The following CNTNAP2 variants were observed in gnomAD, a reference collection of about 807,000 sequenced individuals.
CNTNAP2 encodes the protein contactin associated protein 2, also known as contactin-associated protein-like 2.
In CNTNAP2, 98 loss-of-function variants were observed where a neutral mutation model predicts 155.2. The ratio of observed to expected loss-of-function variants is 0.63; its 90% CI spans 0.54 to 0.75. CNTNAP2 has a LOEUF of 0.75. CNTNAP2 is among the 30% of genes least tolerant of loss of function. The pLI is 0.00. For synonymous variants in CNTNAP2, 651 were observed against 631.2 expected, an observed-to-expected ratio of 1.03 and a Z score of -0.47; for missense variants, 1,727 against 1,688.1, an observed-to-expected ratio of 1.02 and a Z score of -0.40.
In CNTNAP2 at chr7:148,403,419, G is replaced by A. The variant is rs561958741; in HGVS notation, c.3716-5972G>A. Among the ~76,000 whole-genome samples, 383 of 152,220 alleles carry A rather than the reference G, an allele frequency of 2.5e-3. 1 individual carries two copies. Among genetic ancestry groups the A allele is most frequent in the Middle Eastern group, 6.8e-3 (2 of 294 alleles). On this transcript the variant is annotated intron_variant, in intron 22 of 23. Coordinates refer to ENST00000361727, the MANE Select transcript of CNTNAP2 (RefSeq NM_014141.6). ...AACATGGAGTGTCATTTGGGGATCC[G>A]CAAGAGAAGTATGTTGAATAGAGTC...
intron 1 of CNTNAP2, among the ~76,000 whole-genome samples, chr7:146,403,471 A>T (rs1384351727): frequency 6.6e-6 from 1 of 152,158 alleles, no homozygotes; most frequent in Non-Finnish European, 1.5e-5. Flanking sequence ...AAACTATGAA[A>T]CACACTATTT....
At chr7:147,444,296 A>T (rs1563206194) in intron 10 of CNTNAP2, among the ~76,000 whole-genome samples, 1 of 152,210 alleles carries the variant, frequency 6.6e-6, no homozygotes, top group African/African-American at 2.4e-5. Flanking sequence ...ACAAGAGATC[A>T]ACAAAATGAA....
At chr7:146,722,090 A>C (rs191175286) in intron 1 of CNTNAP2, among the ~76,000 whole-genome samples, 32 of 151,218 alleles carry the variant, frequency 2.1e-4, no homozygotes, top group African/African-American at 6.9e-4. Context: ...GGTTTTCACC[A>C]TGTTGGCCAG....
At chr7:147,544,842 A>G (rs1011790515) in intron 11 of CNTNAP2, among the ~76,000 whole-genome samples, 3 of 152,118 alleles carry the variant, frequency 2.0e-5, no homozygotes, top group East Asian at 1.9e-4. Flanking sequence ...CTTGGCTCTC[A>G]TTCTCTCTTG....
At chr7:147,150,487 A>G (rs754148916) in intron 8 of CNTNAP2, among the ~76,000 whole-genome samples, 2 of 152,224 alleles carry the variant, frequency 1.3e-5, no homozygotes, top group Non-Finnish European at 1.5e-5. Flanking sequence ...AGGCAACTAC[A>G]TAATAGGAAA....
intron 20 of CNTNAP2, among the ~76,000 whole-genome samples, chr7:148,261,199 C>A (rs1200388199): frequency 1.3e-5 from 2 of 152,084 alleles, no homozygotes; most frequent in East Asian, 3.9e-4. Flanking sequence ...GTCTCACTCT[C>A]ACCCAGGCTG....
intron 5 of CNTNAP2, among the ~76,000 whole-genome samples, chr7:147,113,215 TA>T (rs1256227758): frequency 6.6e-6 from 1 of 152,034 alleles, no homozygotes; most frequent in Non-Finnish European, 1.5e-5. Context: ...GAGAATACTA[TA>T]AAAATAATAG....
At chr7:146,979,143 A>G (rs1028334742) in intron 3 of CNTNAP2, among the ~76,000 whole-genome samples, 2 of 152,104 alleles carry the variant, frequency 1.3e-5, no homozygotes, top group Non-Finnish European at 2.9e-5. Flanking sequence ...TAACAATTTG[A>G]AGATCTCCTT....
intron 8 of CNTNAP2, among the ~76,000 whole-genome samples, chr7:147,159,628 A>G (rs1031777396): frequency 8.5e-5 from 13 of 152,282 alleles, no homozygotes; most frequent in Non-Finnish European, 1.3e-4. Flanking sequence ...TTAGTCAACC[A>G]TATGTTCTGA....
At chr7:146,458,567 T>C (rs546040725) in intron 1 of CNTNAP2, among the ~76,000 whole-genome samples, 2 of 152,308 alleles carry the variant, frequency 1.3e-5, no homozygotes, top group South Asian at 2.1e-4. Context: ...ACATATGTCC[T>C]ATACACATAC....
rs565621292 is a variant in CNTNAP2 at position 146,257,785 on chromosome 7, C to T, written c.97+140812C>T. On this transcript the variant is annotated intron_variant, in intron 1 of 23. Coordinates refer to ENST00000361727, the MANE Select transcript of CNTNAP2 (RefSeq NM_014141.6). ...CATACTTTGAAAATCACTAGTTATGCTGTGGGATTGTAACAGTTCTCAACA... is the reference window on the plus strand; with the variant it reads ...CATACTTTGAAAATCACTAGTTATGTTGTGGGATTGTAACAGTTCTCAACA... Among the ~76,000 whole-genome samples, 8 of 152,266 alleles carry T rather than the reference C, an allele frequency of 5.3e-5. No homozygotes were observed. The East Asian group carries it at 1.5e-3, about 29-fold the overall frequency.
chr7:148,281,835 C>CTTTTTTTT (rs58086860), intron 21 of CNTNAP2, among the ~76,000 whole-genome samples: 3 of 123,464 alleles, frequency 2.4e-5, no homozygotes, highest in Admixed American at 9.5e-5. Flanking sequence ...ACAACGTTTC[C>CTTTTTTTT]TTTTTTTTTT....
intron 3 of CNTNAP2, among the ~76,000 whole-genome samples, chr7:146,903,529 GTTC>G (rs1796049461): frequency 6.6e-6 from 1 of 152,094 alleles, no homozygotes. Context: ...TGACAACTTT[GTTC>G]TTTTATTCAT....
chr7:146,161,492 A>G (rs1015855808), intron 1 of CNTNAP2, among the ~76,000 whole-genome samples: 2 of 152,234 alleles, frequency 1.3e-5, no homozygotes, highest in Non-Finnish European at 2.9e-5. Flanking sequence ...ACTACAAACC[A>G]CTGCTCAACG....
intron 8 of CNTNAP2, among the ~76,000 whole-genome samples, chr7:147,175,064 G>A (rs1272141771): frequency 6.6e-6 from 1 of 152,118 alleles, no homozygotes; most frequent in Non-Finnish European, 1.5e-5. Context: ...ATAAAAACAT[G>A]TATATGCCCA....
chr7:148,132,761 T>C (rs937208804), intron 16 of CNTNAP2, among the ~76,000 whole-genome samples: 1 of 152,272 alleles, frequency 6.6e-6, no homozygotes, highest in Non-Finnish European at 1.5e-5. Context: ...TCTCCTTTTG[T>C]TGGGAGCCTC....
chr7:147,334,478 C>G (rs910281050), intron 9 of CNTNAP2, among the ~76,000 whole-genome samples: 7 of 152,132 alleles, frequency 4.6e-5, no homozygotes, highest in African/African-American at 1.7e-4. Context: ...GAGTAACAGG[C>G]ACTTATAACC....
chr7:146,911,484 T>G (rs1272493537), intron 3 of CNTNAP2, among the ~76,000 whole-genome samples: 1 of 152,030 alleles, frequency 6.6e-6, no homozygotes, highest in Non-Finnish European at 1.5e-5. Context: ...CCATAAAAGT[T>G]GATGAGTTCA....
intron 9 of CNTNAP2, among the ~76,000 whole-genome samples, chr7:147,325,245 A>G (rs112501753): frequency 0.01 from 1,580 of 152,284 alleles, 29 homozygotes; most frequent in African/African-American, 0.036. Flanking sequence ...GGTTGCAGTG[A>G]GCCGAGATCG....
Sources: gnomAD v4.1 joint callset for allele counts (sites outside exome capture counted in the v4.1 genomes callset) on GRCh38, gnomAD v4.1.1 for gene constraint, MANE v1.5 for transcripts, NCBI Gene and HGNC (gene_info 2026-07-23, HGNC 2026-07-21) for gene names.